Variants in HHAT observed in about 807,000 individuals in gnomAD.
HHAT encodes hedgehog acyltransferase.
In HHAT, 47 loss-of-function variants were observed where a neutral mutation model predicts 70.8. That is an observed-to-expected ratio of 0.66 (90% CI 0.53 to 0.85). The LOEUF (loss-of-function observed/expected upper bound fraction) is 0.85, where lower values mean the gene tolerates loss of function less well. HHAT is among the 40% of genes least tolerant of loss of function. HHAT has a pLI of 0.00. For synonymous variants in HHAT, 228 were observed against 247.6 expected (o/e 0.92, Z 0.74); for missense variants, 609 against 604.8 (o/e 1.01, Z -0.07).
intron 7 of HHAT, among the ~76,000 whole-genome samples, chr1:210,442,794 T>G (rs2093551280): frequency 1.3e-5 from 2 of 152,218 alleles, no homozygotes; most frequent in Admixed American, 1.3e-4. Flanking sequence ...TCTCCCATTT[T>G]GTAGGCTGCC....
chr1:210,555,925 T>C (rs2095568012), intron 9 of HHAT, among the ~76,000 whole-genome samples: 2 of 152,220 alleles, frequency 1.3e-5, no homozygotes, highest in African/African-American at 4.8e-5. Flanking sequence ...TTCCTACCAA[T>C]ACATTTGCTT....
At chr1:210,329,652 A>G (rs2084812207) in intron 1 of HHAT, among the ~76,000 whole-genome samples, 6 of 152,172 alleles carry the variant, frequency 3.9e-5, no homozygotes, top group Admixed American at 3.9e-4. Context: ...ACCTGTGTAC[A>G]TTGCTCTTGG....
chr1:210,666,753 G>A (rs1327907354), intron 11 of HHAT, among the ~76,000 whole-genome samples: 7 of 151,946 alleles, frequency 4.6e-5, no homozygotes, highest in African/African-American at 1.7e-4. Flanking sequence ...CAAAGTGCTG[G>A]GATTATAGGC....
At chr1:210,588,689 G>A (rs1356029973) in intron 10 of HHAT, 43 of 152,236 alleles carry the variant, frequency 2.8e-4, no homozygotes, top group Non-Finnish European at 2.2e-4. Context: ...CAGGTTCAAG[G>A]TTTTTCTCAT....
At chr1:210,386,222 C>CTTTTTTCTTTTTTTTTTTTTTTT (rs1558409107) in intron 3 of HHAT, among the ~76,000 whole-genome samples, 1 of 69,892 alleles carries the variant, frequency 1.4e-5, no homozygotes, top group African/African-American at 5.3e-5. Flanking sequence ...GAGTCCTTTT[C>CTTTTTTCTTTTTTTTTTTTTTTT]TTTTTTTCTT....
intron 7 of HHAT, among the ~76,000 whole-genome samples, chr1:210,421,944 T>G (rs1418693931): frequency 6.6e-6 from 1 of 152,210 alleles, no homozygotes; most frequent in Non-Finnish European, 1.5e-5. Context: ...AAAGGGTTTA[T>G]TTTAATGTAG....
At chr1:210,601,234 G>A (rs1313480214) in intron 10 of HHAT, among the ~76,000 whole-genome samples, 2 of 152,106 alleles carry the variant, frequency 1.3e-5, no homozygotes, top group African/African-American at 4.8e-5. Context: ...ATTGTAAATT[G>A]ATCAACGTGA....
At chr1:210,348,753 G>GTGTT (rs1311886457) in intron 1 of HHAT, among the ~76,000 whole-genome samples, 180 bp from the exon 2 acceptor site, 1 of 151,720 alleles carries the variant, frequency 6.6e-6, no homozygotes, top group East Asian at 1.9e-4. Context: ...GTGTGTGTGT[G>GTGTT]TGTGTGTGTT....
chr1:210,573,772 C>T (rs573321774), intron 9 of HHAT, among the ~76,000 whole-genome samples: 42 of 152,244 alleles, frequency 2.8e-4, no homozygotes, highest in African/African-American at 9.4e-4. Flanking sequence ...AATATTCCCT[C>T]CAAACCCCAC....
At chr1:210,647,380 A>G (rs78156586) in intron 11 of HHAT, among the ~76,000 whole-genome samples, 10,175 of 152,320 alleles carry the variant, frequency 0.067, 422 homozygotes, top group Middle Eastern at 0.13. Context: ...TTCGGGGGAC[A>G]CAATTCAACC....
intron 7 of HHAT, among the ~76,000 whole-genome samples, chr1:210,446,187 C>G (rs960329129): frequency 1.3e-5 from 2 of 152,108 alleles, no homozygotes; most frequent in African/African-American, 4.8e-5. Flanking sequence ...TGAGCTTTCC[C>G]AAAAGACAAC....
chr1:210,513,100 C>G (rs541072548), intron 8 of HHAT, 53 bp from the exon 9 acceptor site: 2 of 1,033,238 alleles, frequency 1.9e-6, no homozygotes, highest in South Asian at 1.3e-5. Context: ...TCTAGTCTAC[C>G]ATTACTATAA....
chr1:210,527,712 C>T (rs781123843), intron 9 of HHAT, among the ~76,000 whole-genome samples: 1 of 152,224 alleles, frequency 6.6e-6, no homozygotes, highest in African/African-American at 2.4e-5. Flanking sequence ...CCTTTGAGCA[C>T]GTGACAGAGG....
intron 9 of HHAT, among the ~76,000 whole-genome samples, chr1:210,541,556 G>A (rs551325698): frequency 2.0e-5 from 3 of 152,174 alleles, no homozygotes; most frequent in South Asian, 2.1e-4. Flanking sequence ...ATGAAACCCC[G>A]TCTCTACTAA....
chr1:210,566,972 G>A (rs1450816324), intron 9 of HHAT, among the ~76,000 whole-genome samples: 1 of 152,192 alleles, frequency 6.6e-6, no homozygotes, highest in Non-Finnish European at 1.5e-5. Context: ...TTGGGCTTTG[G>A]GAGTCGCAGC....
chr1:210,574,063 G>A (rs1350485232), intron 9 of HHAT, among the ~76,000 whole-genome samples: 2 of 152,186 alleles, frequency 1.3e-5, no homozygotes, highest in African/African-American at 4.8e-5. Flanking sequence ...ATTGATGTAA[G>A]GTGAGGAATC....
rs1231285753 is a variant in HHAT, at chr1:210,560,836, A to C, written c.1044-27062A>C. On this transcript the variant is annotated intron_variant, in intron 9 of 11. Coordinates refer to ENST00000261458, the MANE Select transcript of HHAT (RefSeq NM_018194.6). ...TCTTAAAAAAAAAAAAAAAAAAAAA[A>C]AAAAAAAAAAAAAAACCAGAGTAGA... 4.9e-4 allele frequency among the ~76,000 whole-genome samples: 72 copies of C among 147,368 alleles called. 2 individuals are homozygous for C. The highest frequency in any genetic ancestry group is 1.7e-3 in the African/African-American group (67 of 39,418).
chr1:210,333,203 G>A (rs927256107), intron 1 of HHAT, among the ~76,000 whole-genome samples: 2 of 152,184 alleles, frequency 1.3e-5, no homozygotes, highest in Admixed American at 1.3e-4. Flanking sequence ...TTTGATATGA[G>A]TCTGCAAGCA....
chr1:210,339,947 GTCTA>G (rs1195206951), intron 1 of HHAT, among the ~76,000 whole-genome samples: 1 of 152,146 alleles, frequency 6.6e-6, no homozygotes, highest in Non-Finnish European at 1.5e-5. Context: ...ACCTCTTCCA[GTCTA>G]TCTAGTCATT....
Sources: gnomAD v4.1 joint callset for allele counts (sites outside exome capture counted in the v4.1 genomes callset) on GRCh38, gnomAD v4.1.1 for gene constraint, MANE v1.5 for transcripts, NCBI Gene and HGNC (gene_info 2026-07-23, HGNC 2026-07-21) for gene names.